Variants in GRK6 observed in about 807,000 individuals in gnomAD.
The protein encoded by GRK6 is G protein-coupled receptor kinase 6.
GRK6 carries 37 observed loss-of-function variants against 80.8 expected under a neutral mutation model. That is an observed-to-expected ratio of 0.46 (90% CI 0.35 to 0.60). The LOEUF is 0.60. Among genes scored for constraint, GRK6 ranks in the 20% least tolerant of loss-of-function variants. The pLI, the probability that GRK6 is intolerant of heterozygous loss-of-function variation, is 0.00. For missense variants in GRK6, 560 were observed against 784.6 expected, an observed-to-expected ratio of 0.71 and a Z score of 3.42; for synonymous variants, 295 against 320.9, an observed-to-expected ratio of 0.92 and a Z score of 0.86.
rs1344215566 is a variant in GRK6 at position 177,433,365 on chromosome 5, C to T, written c.552C>T (p.Asn184=). The change falls in exon 7 of 16, where the codon AAC becomes AAT. Residue 184 remains asparagine, a synonymous_variant. Coordinates refer to ENST00000355472, the MANE Select transcript of GRK6 (RefSeq NM_001004106.3). ...GCCACAGGCAGCCAGTGACCAAAAA[C>T]ACCTTCAGGCAATACCGAGTCCTGG... ...KWLERQPVTK[N]TFRQYRVLGK... 5.0e-6 allele frequency: 8 copies of T among 1,613,898 alleles called. No individual in the cohort carries two copies. The highest frequency in any genetic ancestry group is 1.7e-5 in the Admixed American group (1 of 59,988).
chr5:177,433,141 C>A lies in GRK6; in HGVS notation c.441-6C>A. 6.2e-7 allele frequency: 1 copy of A among 1,612,600 alleles called. No individual in the cohort carries two copies. The highest frequency in any genetic ancestry group is 8.5e-7 in the Non-Finnish European group (1 of 1,179,266). ...CGGGTGAGCTGGGCCTGCCTTTCCT[C>A]AACAGGCTGACCCACGAGTACCTGA... On this transcript the variant is annotated splice_region_variant and splice_polypyrimidine_tract_variant and intron_variant, in intron 5 of 15. Transcript: ENST00000355472.
intron 11 of GRK6, 113 bp from the exon 12 acceptor site, chr5:177,435,960 C>T (rs891831878): frequency 1.1e-6 from 1 of 884,812 alleles, no homozygotes; most frequent in Non-Finnish European, 1.8e-6. Flanking sequence ...CAAGGTCCCC[C>T]CTGGCCAGCG....
chr5:177,441,095 C>G (rs1270675866), intron 15 of GRK6, 42 bp downstream of exon 15: 1 of 1,605,554 alleles, frequency 6.2e-7, no homozygotes, highest in African/African-American at 1.3e-5. Context: ...TAACCTGGCT[C>G]CAGGGGACGG....
rs781568311 is a variant in GRK6 at position 177,433,900 on chromosome 5, C to A, written c.739-14C>A. The A allele has an allele frequency of 1.0e-5, 16 of 1,547,448 alleles. No homozygotes were observed. In the South Asian group the frequency reaches 1.7e-4, roughly 17 times the overall value. ...GCAGCTCCTGCCTGAGGGCTCGGGT[C>A]CCCTCGGCCACAGGTGAGCTTGGCC... is the stretch of plus-strand genomic sequence containing the variant. On this transcript the variant is annotated splice_polypyrimidine_tract_variant and intron_variant, in intron 8 of 15. Transcript: ENST00000355472.
rs995536280 is a variant in GRK6, at chr5:177,432,521, A to G, written c.340-185A>G. On this transcript the variant is annotated intron_variant, in intron 4 of 15. Transcript: ENST00000355472. ...CTGGGCTTGGGCCAGGCGGCCTCCC[A>G]GTGGCTCTGCTGCGCTCTGCCTCAT... Among the ~76,000 whole-genome samples, 11 of 152,266 alleles carry G rather than the reference A, an allele frequency of 7.2e-5. No individual in the cohort carries two copies. In the East Asian group the frequency reaches 1.9e-3, roughly 27 times the overall value.
intron 13 of GRK6, chr5:177,439,957 G>C (rs1027240595): frequency 2.0e-5 from 3 of 152,092 alleles, no homozygotes; most frequent in African/African-American, 7.2e-5. Flanking sequence ...CCACTTTTTG[G>C]CTGTTATTGC....
chr5:177,432,918 C>T lies in GRK6; in HGVS notation c.440+112C>T. 7.5e-6 allele frequency: 7 copies of T among 937,524 alleles called. No individual in the cohort carries two copies. The South Asian group carries it at 7.8e-5, about 10-fold the overall frequency. 58.1% of individuals were successfully genotyped at this position (937,524 alleles called of 1,614,324 possible). On this transcript the variant is annotated intron_variant, in intron 5 of 15. Coordinates refer to ENST00000355472, the MANE Select transcript of GRK6 (RefSeq NM_001004106.3). ...CTGGTGAGGGAGCTCAGCTGCCCAG[C>T]CCTGGCCTTGCCCCTGCTGTGTGAC...
Position 177,434,939 on chromosome 5 carries a change from G to A in GRK6, c.967G>A (p.Gly323Ser), listed in dbSNP as rs1397207765. The A allele has an allele frequency of 1.2e-6, 2 of 1,613,684 alleles. No individual in the cohort carries two copies. Among genetic ancestry groups the A allele is most frequent in the Non-Finnish European group, 8.5e-7 (1 of 1,179,920 alleles). The change falls in exon 10 of 16, where the codon GGC (glycine) becomes AGC (serine). Residue 323 changes from glycine (G) to serine (S), a missense_variant and splice_region_variant. Transcript: ENST00000355472. Reference sequence around the variant, plus strand: ...CGAGAACATCTTGCTGGATGACCACGGTGTGTAAGGGTGCCTGGGGTGGGT... The same window carrying A: ...CGAGAACATCTTGCTGGATGACCACAGTGTGTAAGGGTGCCTGGGGTGGGT... ...KPENILLDDH[G>S]HIRISDLGLA...
Position 177,433,912 on chromosome 5 carries a change from A to G in GRK6, c.739-2A>G. The G allele has an allele frequency of 3.2e-6, 5 of 1,561,550 alleles. No homozygotes were observed. The highest frequency in any genetic ancestry group is 4.3e-6 in the Non-Finnish European group (5 of 1,151,004). On this transcript the variant is annotated splice_acceptor_variant, in intron 8 of 15. Transcript: ENST00000355472. LOFTEE classifies it high-confidence loss of function. The stretch of plus-strand genomic sequence containing the variant: ...TGAGGGCTCGGGTCCCCTCGGCCAC[A>G]GGTGAGCTTGGCCTACGCCTATGAG...
At chr5:177,436,334 T>TGCCCCC in intron 12 of GRK6, 53 bp downstream of exon 12, 5 of 1,556,004 alleles carry the variant, frequency 3.2e-6, no homozygotes, top group Non-Finnish European at 3.5e-6. Flanking sequence ...GATGCACCTT[T>TGCCCCC]CCCTCCCTCC....
At position 177,441,718 on chromosome 5, in the gene GRK6, G is replaced by T; in HGVS notation, c.1678-19G>T. 1.3e-6 allele frequency: 2 copies of T among 1,599,816 alleles called. No individual in the cohort carries two copies. Among genetic ancestry groups the T allele is most frequent in the South Asian group, 2.2e-5 (2 of 90,778 alleles). ...GCTCTGCCTCTCTCCCTCCCTCCGT[G>T]TCTTCCCCGTCCCTCCAGGATTGCT... is the stretch of plus-strand genomic sequence containing the variant. On this transcript the variant is annotated intron_variant, in intron 15 of 15. Coordinates refer to ENST00000355472, the MANE Select transcript of GRK6 (RefSeq NM_001004106.3).
At chr5:177,431,691 T>A in intron 2 of GRK6, 1 of 427,368 alleles carries the variant, frequency 2.3e-6, no homozygotes, top group Non-Finnish European at 4.3e-6. Context: ...CCAACCCCAG[T>A]ACCGTGACAT....
At chr5:177,435,513 G>GT (rs1409721920) in intron 11 of GRK6, among the ~76,000 whole-genome samples, 2 of 152,250 alleles carry the variant, frequency 1.3e-5, no homozygotes, top group Non-Finnish European at 1.5e-5. Flanking sequence ...AGGAGGCAGA[G>GT]TCCTGGCTCT....
At position 177,433,350 on chromosome 5, in the gene GRK6, G is replaced by A. The variant is rs1219744720; in HGVS notation, c.537G>A (p.Gln179=). 1 of 1,613,804 alleles carries A rather than the reference G, an allele frequency of 6.2e-7. No individual in the cohort carries two copies. The part of the protein sequence containing the change: ...RFLQWKWLER[Q]PVTKNTFRQY... ...GCTTCCCCACCCCTTGCCACAGGCAGCCAGTGACCAAAAACACCTTCAGGC... is the reference window on the plus strand; with the variant it reads ...GCTTCCCCACCCCTTGCCACAGGCAACCAGTGACCAAAAACACCTTCAGGC... Residue 179 remains glutamine, a synonymous_variant, in exon 7 of 16, where the codon CAG becomes CAA. Coordinates refer to ENST00000355472, the MANE Select transcript of GRK6 (RefSeq NM_001004106.3).
At chr5:177,431,334 C>T (rs1005280101) in intron 2 of GRK6, among the ~76,000 whole-genome samples, 2 of 152,302 alleles carry the variant, frequency 1.3e-5, no homozygotes, top group Middle Eastern at 3.4e-3. Flanking sequence ...CAGGCTGGGG[C>T]GTAGCCTCCC....
intron 1 of GRK6, 157 bp from the exon 2 acceptor site, chr5:177,430,715 G>A (rs1043296509): frequency 1.6e-6 from 1 of 638,428 alleles, no homozygotes; most frequent in Non-Finnish European, 2.8e-6. Context: ...CTGGAACGCA[G>A]CAAGGGCGTG....
At chr5:177,427,885 A>G (rs1018752355) in intron 1 of GRK6, among the ~76,000 whole-genome samples, 1 of 152,122 alleles carries the variant, frequency 6.6e-6, no homozygotes, top group Non-Finnish European at 1.5e-5. Flanking sequence ...TTTCTACCAT[A>G]TTTTACATGT....
Position 177,435,102 on chromosome 5 carries a change from G to A in GRK6, c.1038G>A (p.Val346=), listed in dbSNP as rs1389934998. The change falls in exon 11 of 16, where the codon GTG becomes GTA. Residue 346 remains valine, a synonymous_variant. Coordinates refer to ENST00000355472, the MANE Select transcript of GRK6 (RefSeq NM_001004106.3). ...AGGGCCAGACCATCAAAGGGCGTGTGGGCACCGTGGGTTACATGGGTGAGT... is the reference window on the plus strand; with the variant it reads ...AGGGCCAGACCATCAAAGGGCGTGTAGGCACCGTGGGTTACATGGGTGAGT... ...VPEGQTIKGR[V]GTVGYMAPEV... 1 of 1,609,132 alleles carries A rather than the reference G, an allele frequency of 6.2e-7. No homozygotes were observed. The highest frequency in any genetic ancestry group is 8.5e-7 in the Non-Finnish European group (1 of 1,177,660).
chr5:177,435,214 A>AAAAGGGGCCTCAGTAG (rs1764090105), intron 11 of GRK6, 93 bp downstream of exon 11: 2 of 905,628 alleles, frequency 2.2e-6, no homozygotes, highest in Non-Finnish European at 3.3e-6. Context: ...GTCTTCTCTC[A>AAAAGGGGCCTCAGTAG]AAAGGGGCCT....
Sources: allele counts gnomAD v4.1 joint callset (sites outside exome capture counted in the v4.1 genomes callset), GRCh38; gene constraint gnomAD v4.1.1; transcripts MANE v1.5; gene names NCBI Gene and HGNC (gene_info 2026-07-23, HGNC 2026-07-21).